The following PARD3B variants were observed in gnomAD, a reference collection of about 807,000 sequenced individuals.
PARD3B encodes par-3 family cell polarity regulator beta, also known as partitioning defective 3 homolog B.
Under a neutral mutation model 130.2 loss-of-function variants are expected in PARD3B, and 103 were observed. The ratio of observed to expected loss-of-function variants is 0.79; its 90% CI spans 0.67 to 0.93. PARD3B has a LOEUF of 0.93. Among genes scored for constraint, PARD3B ranks in the 40% least tolerant of loss-of-function variants. PARD3B has a pLI of 0.00. For missense variants in PARD3B, 1,609 were observed against 1,499.2 expected (o/e 1.07, Z -1.21); for synonymous variants, 583 against 553.2 (o/e 1.05, Z -0.76).
At chr2:205,062,296 T>A (rs2125458074) in intron 4 of PARD3B, among the ~76,000 whole-genome samples, 1 of 152,230 alleles carries the variant, frequency 6.6e-6, no homozygotes, top group East Asian at 1.9e-4. Flanking sequence ...AATTAGTGTT[T>A]AATATAGGAC....
intron 18 of PARD3B, among the ~76,000 whole-genome samples, chr2:205,335,896 C>A (rs991893323): frequency 4.6e-5 from 7 of 152,118 alleles, no homozygotes; most frequent in Admixed American, 1.3e-4. Flanking sequence ...TTCACTATCA[C>A]GAGAACAGCA....
At position 205,121,943 on chromosome 2, in the gene PARD3B, A is replaced by G; in HGVS notation, c.1159A>G (p.Lys387Glu). 1 of 1,598,702 alleles carries G rather than the reference A, an allele frequency of 6.3e-7. No homozygotes were observed. The highest frequency in any genetic ancestry group is 8.5e-7 in the Non-Finnish European group (1 of 1,170,006). ...TGCAAAGAAAATTAAGATTGACCTAAAGAAAGGTAATTATTAAATTATGCC... is the reference window on the plus strand; with the variant it reads ...TGCAAAGAAAATTAAGATTGACCTAGAGAAAGGTAATTATTAAATTATGCC... ...KNAKKIKIDLKKGPEGLGFTV... is the reference protein window; with the variant it reads ...KNAKKIKIDLEKGPEGLGFTV... Residue 387 changes from lysine to glutamate, a missense_variant, in exon 8 of 23, where the codon AAG becomes GAG. Transcript: ENST00000406610. This position sits in a 1 kb window ranked among gnomAD's most constrained non-coding sequence, Gnocchi z 5.0.
At chr2:205,077,691 G>A (rs1322772542) in intron 4 of PARD3B, among the ~76,000 whole-genome samples, 1 of 152,048 alleles carries the variant, frequency 6.6e-6, no homozygotes, top group Non-Finnish European at 1.5e-5. Flanking sequence ...AGGTGAGAGA[G>A]ATGCCTGAGA....
intron 3 of PARD3B, among the ~76,000 whole-genome samples, chr2:205,031,142 C>T (rs1413310503): frequency 3.9e-5 from 6 of 152,220 alleles, no homozygotes; most frequent in South Asian, 4.1e-4. Flanking sequence ...TAGCTGTGTA[C>T]GTGAAAGGAA....
At chr2:205,388,257 A>G (rs1008956734) in intron 18 of PARD3B, among the ~76,000 whole-genome samples, 2 of 152,170 alleles carry the variant, frequency 1.3e-5, no homozygotes, top group African/African-American at 4.8e-5. Context: ...GCCATTTTGA[A>G]CTGTGGAAGA....
chr2:205,176,409 A>T lies in PARD3B; in HGVS notation c.1792-36A>T. 6.4e-7 allele frequency: 1 copy of T among 1,566,258 alleles called. No homozygotes were observed. The highest frequency in any genetic ancestry group is 8.6e-7 in the Non-Finnish European group (1 of 1,156,192). ...TCAACTGACCAAGTTGGAACATATT[A>T]AAAATGCAAATGTAATTTTTACTTT... On this transcript the variant is annotated intron_variant, in intron 12 of 22. Coordinates refer to ENST00000406610, the MANE Select transcript of PARD3B (RefSeq NM_001302769.2). The surrounding 1 kb of genome is among the most constrained non-coding windows in gnomAD (Gnocchi z 5.3).
intron 20 of PARD3B, among the ~76,000 whole-genome samples, chr2:205,443,074 C>T (rs1575036330): frequency 6.6e-6 from 1 of 152,312 alleles, no homozygotes; most frequent in East Asian, 1.9e-4. Context: ...TTCAAGTCTT[C>T]AAGCAAGCCG....
intron 1 of PARD3B, among the ~76,000 whole-genome samples, chr2:204,668,881 T>C (rs1280436836): frequency 6.6e-6 from 1 of 152,160 alleles, no homozygotes; most frequent in African/African-American, 2.4e-5. Context: ...CAGGGGTCTT[T>C]ATTTGTGGAA....
At chr2:204,558,764 A>G (rs574452279) in intron 1 of PARD3B, among the ~76,000 whole-genome samples, 29 of 152,330 alleles carry the variant, frequency 1.9e-4, no homozygotes, top group Admixed American at 8.5e-4. Context: ...ACAAAGCTGG[A>G]GGCATCATGC....
At chr2:205,543,736 G>A (rs1349066058) in intron 21 of PARD3B, among the ~76,000 whole-genome samples, 1 of 152,230 alleles carries the variant, frequency 6.6e-6, no homozygotes, top group African/African-American at 2.4e-5. Flanking sequence ...TGCAACTCAT[G>A]ATACTGATAG....
intron 13 of PARD3B, among the ~76,000 whole-genome samples, chr2:205,181,923 A>T (rs2035809978): frequency 6.6e-6 from 1 of 152,234 alleles, no homozygotes; most frequent in African/African-American, 2.4e-5. Context: ...TTACACTGAA[A>T]CAAGGGCTTA....
In PARD3B at chr2:204,614,313, AT is replaced by A. The variant is rs564105406; in HGVS notation, c.120+68201del. On this transcript the variant is annotated intron_variant, in intron 1 of 22. Coordinates refer to ENST00000406610, the MANE Select transcript of PARD3B (RefSeq NM_001302769.2). ...TAATATAAAAATCGAGCAATATTAC[AT>A]TTTTTTATACTGTCTTTAAAATCCA... is the stretch of plus-strand genomic sequence containing the variant. 9.3e-4 allele frequency among the ~76,000 whole-genome samples: 141 copies of A among 151,464 alleles called. 1 individual carries two copies. The highest frequency in any genetic ancestry group is 2.2e-3 in the African/African-American group (91 of 41,008).
At chr2:204,908,686 T>G (rs1033401176) in intron 2 of PARD3B, among the ~76,000 whole-genome samples, 4 of 152,216 alleles carry the variant, frequency 2.6e-5, no homozygotes, top group Non-Finnish European at 1.5e-5. Context: ...GGGCTTACTG[T>G]CATCCTTGCA....
At chr2:205,003,552 G>A (rs988945933) in intron 3 of PARD3B, among the ~76,000 whole-genome samples, 3 of 152,220 alleles carry the variant, frequency 2.0e-5, no homozygotes, top group South Asian at 2.1e-4. Context: ...CTCAAAAGTC[G>A]CCTTCTCAGT....
intron 22 of PARD3B, among the ~76,000 whole-genome samples, chr2:205,579,537 T>C (rs1028783089): frequency 6.6e-6 from 1 of 152,208 alleles, no homozygotes; most frequent in Non-Finnish European, 1.5e-5. Context: ...GTGACAGTTT[T>C]AATTTCACTC....
chr2:204,667,341 T>A (rs2036071278), intron 1 of PARD3B, among the ~76,000 whole-genome samples: 1 of 151,986 alleles, frequency 6.6e-6, no homozygotes, highest in African/African-American at 2.4e-5. Flanking sequence ...AAACTCAATT[T>A]TTTTACCTTA....
intron 1 of PARD3B, among the ~76,000 whole-genome samples, chr2:204,597,617 A>C (rs1012581473): frequency 1.3e-5 from 2 of 152,180 alleles, no homozygotes; most frequent in Non-Finnish European, 2.9e-5. Flanking sequence ...TCTTAAGTAA[A>C]TGCTCTTAAG....
intron 1 of PARD3B, among the ~76,000 whole-genome samples, chr2:204,576,719 C>A (rs2032280177): frequency 6.6e-6 from 1 of 152,162 alleles, no homozygotes. Flanking sequence ...TCTACCCACT[C>A]CCACACATTT....
At chr2:204,550,661 A>G (rs1213205782) in intron 1 of PARD3B, among the ~76,000 whole-genome samples, 1 of 152,240 alleles carries the variant, frequency 6.6e-6, no homozygotes, top group Admixed American at 6.5e-5. Context: ...AGGGTTTTCA[A>G]GATGAATCTT....
Sources: gnomAD v4.1 joint callset for allele counts (sites outside exome capture counted in the v4.1 genomes callset) on GRCh38, gnomAD v4.1.1 for gene constraint, Gnocchi (gnomAD v3.1) non-coding constraint, MANE v1.5 for transcripts, NCBI Gene and HGNC (gene_info 2026-07-23, HGNC 2026-07-21) for gene names.